Variants in SNX30 observed in about 807,000 individuals in gnomAD.
SNX30 encodes the protein sorting nexin-30.
A neutral mutation model predicts 46.4 loss-of-function variants in SNX30; 24 were observed. The ratio of observed to expected loss-of-function variants is 0.52; its 90% CI spans 0.37 to 0.73. The LOEUF is 0.73. Ranked by LOEUF, SNX30 falls within the 30% of genes least tolerant of loss-of-function variation. SNX30 has a pLI of 0.00. For synonymous variants in SNX30, 189 were observed against 211.5 expected (o/e 0.89, Z 0.92); for missense variants, 533 against 555.7 (o/e 0.96, Z 0.41).
chr9:112,827,034 C>T (rs930790136), intron 3 of SNX30, among the ~76,000 whole-genome samples: 1 of 152,208 alleles, frequency 6.6e-6, no homozygotes, highest in East Asian at 1.9e-4. Context: ...CCCCTCTCTT[C>T]TTTCATTTAC....
intron 3 of SNX30, among the ~76,000 whole-genome samples, chr9:112,823,215 A>G (rs1840532833): frequency 6.6e-6 from 1 of 152,244 alleles, no homozygotes; most frequent in Admixed American, 6.5e-5. Context: ...CATAGTATAT[A>G]CAGGGTTCAA....
At chr9:112,791,456 C>T (rs1007953632) in intron 1 of SNX30, among the ~76,000 whole-genome samples, 1 of 123,554 alleles carries the variant, frequency 8.1e-6, no homozygotes, top group Non-Finnish European at 1.6e-5. Flanking sequence ...TGTCGCCAGG[C>T]TGGAGTGCAG....
intron 1 of SNX30, among the ~76,000 whole-genome samples, chr9:112,763,388 T>TTGG (rs58675398): frequency 9.2e-6 from 1 of 108,546 alleles, no homozygotes; most frequent in East Asian, 2.4e-4. Flanking sequence ...TTTTTTTTTT[T>TTGG]GGTGTGTGTG....
At chr9:112,772,130 G>C (rs1484204910) in intron 1 of SNX30, among the ~76,000 whole-genome samples, 3 of 152,178 alleles carry the variant, frequency 2.0e-5, no homozygotes, top group Non-Finnish European at 4.4e-5. Flanking sequence ...GGTGTTTTCA[G>C]CCCGGTGACG....
At chr9:112,754,081 G>A (rs917647141) in intron 1 of SNX30, among the ~76,000 whole-genome samples, 10 of 152,180 alleles carry the variant, frequency 6.6e-5, no homozygotes, top group Non-Finnish European at 1.5e-4. Flanking sequence ...GGGATTCTGC[G>A]TCAGTTCTGG....
At chr9:112,836,764 A>G (rs1840760216) in intron 5 of SNX30, among the ~76,000 whole-genome samples, 1 of 152,200 alleles carries the variant, frequency 6.6e-6, no homozygotes, top group Admixed American at 6.5e-5. Context: ...AAACTTAGAT[A>G]CCTTTTCTGG....
intron 6 of SNX30, among the ~76,000 whole-genome samples, chr9:112,840,028 T>C (rs545300564): frequency 1.9e-4 from 29 of 152,376 alleles, no homozygotes; most frequent in African/African-American, 6.5e-4. Flanking sequence ...TGTTCCGTCT[T>C]GTCCCATCAG....
intron 6 of SNX30, among the ~76,000 whole-genome samples, chr9:112,849,708 A>G (rs1840994523): frequency 6.6e-6 from 1 of 152,094 alleles, no homozygotes; most frequent in South Asian, 2.1e-4. Flanking sequence ...AACACTCTCA[A>G]CTCTTCAGTT....
At chr9:112,864,519 T>G (rs1841288142) in intron 8 of SNX30, 120 bp downstream of exon 8, 2 of 1,324,630 alleles carry the variant, frequency 1.5e-6, no homozygotes, top group Non-Finnish European at 2.1e-6. Context: ...TTTAGCTGCT[T>G]AGTCTTGGCT....
chr9:112,834,834 A>T (rs1840722025), intron 4 of SNX30, among the ~76,000 whole-genome samples: 1 of 105,882 alleles, frequency 9.4e-6, no homozygotes, highest in African/African-American at 3.8e-5. Context: ...TTAAACACAC[A>T]CACACACAAA....
At chr9:112,785,815 G>A (rs1462270351) in intron 1 of SNX30, among the ~76,000 whole-genome samples, 12 of 152,136 alleles carry the variant, frequency 7.9e-5, no homozygotes, top group Non-Finnish European at 1.3e-4. Flanking sequence ...TTACTTGCCA[G>A]CCTAGGAATG....
At chr9:112,808,889 T>C (rs1840273179) in intron 2 of SNX30, among the ~76,000 whole-genome samples, 1 of 152,206 alleles carries the variant, frequency 6.6e-6, no homozygotes, top group African/African-American at 2.4e-5. Context: ...TTTACGTATA[T>C]TATCAGTTAA....
chr9:112,807,175 C>G (rs1463283267), intron 2 of SNX30, among the ~76,000 whole-genome samples: 1 of 149,760 alleles, frequency 6.7e-6, no homozygotes, highest in Non-Finnish European at 1.5e-5. Context: ...AGGGGATTCT[C>G]CTGCCTCAGC....
chr9:112,752,190 C>A (rs1564256217), intron 1 of SNX30, among the ~76,000 whole-genome samples: 1 of 152,142 alleles, frequency 6.6e-6, no homozygotes, highest in Non-Finnish European at 1.5e-5. Flanking sequence ...GAAAATATAA[C>A]CTGCCCTCCT....
intron 6 of SNX30, among the ~76,000 whole-genome samples, chr9:112,849,711 C>G (rs764398109): frequency 4.6e-5 from 7 of 152,230 alleles, no homozygotes; most frequent in African/African-American, 1.4e-4. Flanking sequence ...ACTCTCAACT[C>G]TTCAGTTGCC....
At chr9:112,749,794 C>G (rs1167857373), upstream of SNX30, among the ~76,000 whole-genome samples, 1 of 152,176 alleles carries the variant, frequency 6.6e-6, no homozygotes, top group Non-Finnish European at 1.5e-5. Flanking sequence ...GCAGGTAAGG[C>G]TAGGCAAACC....
At chr9:112,842,380 G>A (rs1198933079) in intron 6 of SNX30, among the ~76,000 whole-genome samples, 5 of 152,212 alleles carry the variant, frequency 3.3e-5, no homozygotes, top group Non-Finnish European at 7.3e-5. Context: ...CTAATGGTGA[G>A]TGTTTGTCCT....
intron 7 of SNX30, among the ~76,000 whole-genome samples, chr9:112,855,106 C>CA (rs1841099474): frequency 6.6e-6 from 1 of 152,246 alleles, no homozygotes; most frequent in African/African-American, 2.4e-5. Context: ...TCCTCCCCGA[C>CA]AGCCCATCAG....
chr9:112,847,507 A>C (rs963465185), intron 6 of SNX30, among the ~76,000 whole-genome samples: 2 of 151,926 alleles, frequency 1.3e-5, no homozygotes, highest in African/African-American at 4.8e-5. Context: ...TTAGTGTTCA[A>C]ATTTCCCCAG....
Sources: gnomAD v4.1 joint callset for allele counts (sites outside exome capture counted in the v4.1 genomes callset) on GRCh38, gnomAD v4.1.1 for gene constraint, MANE v1.5 for transcripts, NCBI Gene and HGNC (gene_info 2026-07-23, HGNC 2026-07-21) for gene names.